Variants in ZMYM1 observed in about 807,000 individuals in gnomAD.
The protein encoded by ZMYM1 is zinc finger MYM-type protein 1.
A neutral mutation model predicts 60.0 loss-of-function variants in ZMYM1; 39 were observed. The ratio of observed to expected loss-of-function variants is 0.65; its 90% CI spans 0.50 to 0.85. The LOEUF (loss-of-function observed/expected upper bound fraction) is 0.85. ZMYM1 is among the 40% of genes least tolerant of loss of function. The pLI is 0.00. For synonymous variants in ZMYM1, 413 were observed against 454.0 expected (o/e 0.91, Z 1.15); for missense variants, 1,171 against 1,309.5 (o/e 0.89, Z 1.63).
At chr1:35,078,381 T>A, upstream of ZMYM1, among the ~76,000 whole-genome samples, 1 of 152,014 alleles carries the variant, frequency 6.6e-6, no homozygotes, top group South Asian at 2.1e-4. Flanking sequence ...TTATAATAAG[T>A]TCATCATTCA....
At chr1:35,080,955 T>G (rs1205692865) in intron 1 of ZMYM1, among the ~76,000 whole-genome samples, 2 of 152,134 alleles carry the variant, frequency 1.3e-5, no homozygotes, top group Non-Finnish European at 2.9e-5. Context: ...ATAATTTTTT[T>G]TTTTTGAGAC....
At chr1:35,090,335 G>A (rs927840423) in intron 1 of ZMYM1, among the ~76,000 whole-genome samples, 4 of 152,130 alleles carry the variant, frequency 2.6e-5, no homozygotes, top group African/African-American at 9.7e-5. Context: ...TAAGTGGAAA[G>A]TAGGCCTCAG....
At chr1:35,083,159 CT>C (rs910142360) in intron 1 of ZMYM1, among the ~76,000 whole-genome samples, 243 of 142,790 alleles carry the variant, frequency 1.7e-3, no homozygotes, top group Admixed American at 1.8e-3. Context: ...TGTTTCTTTT[CT>C]TTTTTTTTTT....
intron 1 of ZMYM1, among the ~76,000 whole-genome samples, chr1:35,082,976 T>C (rs1190318544): frequency 1.3e-5 from 2 of 151,050 alleles, no homozygotes; most frequent in East Asian, 4.4e-4. Context: ...AGTAAAACTC[T>C]GTCTCCAAAA....
chr1:35,097,078 C>A (rs1643374419), intron 3 of ZMYM1, among the ~76,000 whole-genome samples: 1 of 152,120 alleles, frequency 6.6e-6, no homozygotes, highest in Non-Finnish European at 1.5e-5. Flanking sequence ...CCTGCCTTGG[C>A]CTCCCAAAGT....
chr1:35,110,263 G>C (rs1462244882), intron 6 of ZMYM1, 31 bp from the exon 7 acceptor site: 1 of 1,407,176 alleles, frequency 7.1e-7, no homozygotes, highest in Admixed American at 2.7e-5. Context: ...CATATACCAG[G>C]AATATGAATA....
At chr1:35,076,457 A>T (rs956300146), upstream of ZMYM1, among the ~76,000 whole-genome samples, 9 of 152,094 alleles carry the variant, frequency 5.9e-5, no homozygotes, top group South Asian at 2.1e-4. Flanking sequence ...CCCCATCTCT[A>T]CTAAAAATAC....
Position 35,112,972 on chromosome 1 carries a change from C to T in ZMYM1, c.1147-5C>T. The stretch of plus-strand genomic sequence containing the variant: ...TAAATGTTCTTTTCTCATTTTCTCC[C>T]AAAGCTTTCTAAGAGTTCACCTAGT... On this transcript the variant is annotated splice_polypyrimidine_tract_variant and splice_region_variant and intron_variant, in intron 9 of 9. Coordinates refer to ENST00000359858, the MANE Select transcript of ZMYM1 (RefSeq NM_024772.5). 2.0e-6 allele frequency: 3 copies of T among 1,508,650 alleles called. No individual in the cohort carries two copies. The highest frequency in any genetic ancestry group is 2.7e-6 in the Non-Finnish European group (3 of 1,130,114). The allele number at this position is 1,508,650 out of a possible 1,614,324, so 93.5% of individuals were successfully genotyped here.
chr1:35,070,364 C>A (rs528775419), intron 1 of ZMYM1, among the ~76,000 whole-genome samples: 12 of 152,084 alleles, frequency 7.9e-5, no homozygotes, highest in Admixed American at 4.6e-4. Flanking sequence ...GAATTGTTTT[C>A]TTGATTTACT....
At chr1:35,096,324 A>G (rs532286290) in intron 3 of ZMYM1, among the ~76,000 whole-genome samples, 7 of 151,086 alleles carry the variant, frequency 4.6e-5, no homozygotes, top group African/African-American at 9.7e-5. Context: ...AAAAAAAAAA[A>G]AGAGAAGAAA....
intron 2 of ZMYM1, among the ~76,000 whole-genome samples, chr1:35,095,242 GCT>G (rs1295619608): frequency 6.6e-6 from 1 of 151,922 alleles, no homozygotes; most frequent in Admixed American, 6.6e-5. Context: ...GGGTGTGGTG[GCT>G]CATTCCTGTA....
At chr1:35,101,535 C>G (rs911282700) in intron 4 of ZMYM1, among the ~76,000 whole-genome samples, 1 of 150,516 alleles carries the variant, frequency 6.6e-6, no homozygotes, top group African/African-American at 2.4e-5. Flanking sequence ...TTCTTCCTCC[C>G]TTCCCATCTG....
At chr1:35,098,635 A>C (rs896821005) in intron 4 of ZMYM1, among the ~76,000 whole-genome samples, 3 of 152,208 alleles carry the variant, frequency 2.0e-5, no homozygotes, top group African/African-American at 7.2e-5. Context: ...GGCTGGGAGC[A>C]GTGGCTCACG....
chr1:35,110,372 T>A lies in ZMYM1; in HGVS notation c.886T>A (p.Leu296Met). The change falls in exon 7 of 10, where the codon TTG becomes ATG. Residue 296 changes from leucine (L) to methionine (M), a missense_variant. By Grantham distance (15) the Leu-to-Met change is conservative (BLOSUM62 2). Coordinates refer to ENST00000359858, the MANE Select transcript of ZMYM1 (RefSeq NM_024772.5). ...TGAAATGATTGAGACTACGAGTGAT[T>A]TGGGGAAGACAGAGCTTTTCTGCTC... is the stretch of plus-strand genomic sequence containing the variant. ...SDEMIETTSD[L>M]GKTELFCSIN... 1 of 1,597,266 alleles carries A rather than the reference T, an allele frequency of 6.3e-7. No homozygotes were observed. Among genetic ancestry groups the A allele is most frequent in the Non-Finnish European group, 8.5e-7 (1 of 1,172,782 alleles).
chr1:35,111,990 CT>C, intron 8 of ZMYM1, 78 bp downstream of exon 8: 1 of 1,545,174 alleles, frequency 6.5e-7, no homozygotes, highest in South Asian at 1.2e-5. Context: ...GCTAAATTTT[CT>C]TTTTGTTTCT....
In ZMYM1 at chr1:35,089,271, T is replaced by C. The variant is rs1642856587; in HGVS notation, c.-74-4643T>C. 2.6e-5 allele frequency among the ~76,000 whole-genome samples: 4 copies of C among 152,214 alleles called. No homozygotes were observed. The South Asian group carries it at 8.3e-4, about 32-fold the overall frequency. ...CGCCACTGCACAAAACTCGGTGCTT[T>C]GTTTTTAATTGATGTTTAAGACTTG... is the stretch of plus-strand genomic sequence containing the variant. On this transcript the variant is annotated intron_variant, in intron 1 of 9. Coordinates refer to ENST00000359858, the MANE Select transcript of ZMYM1 (RefSeq NM_024772.5).
intron 4 of ZMYM1, among the ~76,000 whole-genome samples, chr1:35,098,591 T>G (rs1643465845): frequency 6.6e-6 from 1 of 152,244 alleles, no homozygotes; most frequent in Admixed American, 6.5e-5. Flanking sequence ...TAGATCAGCA[T>G]CACCCAAGAG....
At chr1:35,083,353 T>C (rs1458035883) in intron 1 of ZMYM1, among the ~76,000 whole-genome samples, 1 of 152,098 alleles carries the variant, frequency 6.6e-6, no homozygotes, top group African/African-American at 2.4e-5. Context: ...GGTCTCACTA[T>C]GCTGCCAGGG....
chr1:35,088,500 GTATGTACATA>G (rs1642807032), intron 1 of ZMYM1, among the ~76,000 whole-genome samples: 10 of 137,634 alleles, frequency 7.3e-5, no homozygotes, highest in South Asian at 4.7e-4. Flanking sequence ...GTGTGTGTGT[GTATGTACATA>G]TATGTATATA....
Sources: allele counts gnomAD v4.1 joint callset (sites outside exome capture counted in the v4.1 genomes callset), GRCh38; gene constraint gnomAD v4.1.1; transcripts MANE v1.5; gene names NCBI Gene and HGNC (gene_info 2026-07-23, HGNC 2026-07-21).